Variants in EREG observed in about 807,000 individuals in gnomAD.
The protein encoded by EREG is epiregulin.
In EREG, 23 loss-of-function variants were observed where a neutral mutation model predicts 22.4. The observed-to-expected ratio is 1.03, with a 90% confidence interval of 0.74 to 1.46. The LOEUF (loss-of-function observed/expected upper bound fraction) is 1.46. Among genes scored for constraint, EREG ranks in the 40% most tolerant of loss-of-function variants. The pLI, the probability that EREG is intolerant of heterozygous loss-of-function variation, is 0.00. For synonymous variants in EREG, 100 were observed against 75.4 expected (o/e 1.33, Z -1.69); for missense variants, 226 against 205.9 (o/e 1.10, Z -0.60).
At position 74,374,189 on chromosome 4, in the gene EREG, A is replaced by T. The variant is rs182278782; in HGVS notation, c.68-5259A>T. On this transcript the variant is annotated intron_variant, in intron 1 of 4. Coordinates refer to ENST00000244869, the MANE Select transcript of EREG (RefSeq NM_001432.3). ...AGGTTAAACTGGGAAAATGAGATGC[A>T]TTTCTTTTATTCTGTAATCTATCTG... 8.1e-4 allele frequency among the ~76,000 whole-genome samples: 124 copies of T among 152,256 alleles called. 1 individual carries two copies. Among genetic ancestry groups the T allele is most frequent in the Non-Finnish European group, 1.2e-4 (8 of 68,010 alleles).
At position 74,388,140 on chromosome 4, in the gene EREG, A is replaced by G. The variant is rs971398939; in HGVS notation, c.*3332A>G. 4 of 152,192 alleles carry G rather than the reference A, an allele frequency of 2.6e-5. No homozygotes were observed. The highest frequency in any genetic ancestry group is 9.6e-5 in the African/African-American group (4 of 41,458). The allele number at this position is 152,192 out of a possible 1,614,324, so 9.4% of individuals were successfully genotyped here. A position where few individuals can be genotyped will look rare whatever the true frequency, so the allele number is the denominator to read the frequency against. ...TTTTATGCAGCAAATATATGATTCTAGTGTCTGACTTTTGTTAAATTCAGT... is the reference window on the plus strand; with the variant it reads ...TTTTATGCAGCAAATATATGATTCTGGTGTCTGACTTTTGTTAAATTCAGT... On this transcript the variant is annotated 3_prime_UTR_variant, in exon 5 of 5. Coordinates refer to ENST00000244869, the MANE Select transcript of EREG (RefSeq NM_001432.3).
intron 2 of EREG, among the ~76,000 whole-genome samples, chr4:74,380,178 A>G (rs1381184086): frequency 6.6e-6 from 1 of 151,880 alleles, no homozygotes; most frequent in East Asian, 1.9e-4. Context: ...GATATTTTCC[A>G]TAACAACTTT....
chr4:74,370,373 C>G (rs1045712212), intron 1 of EREG, among the ~76,000 whole-genome samples: 1 of 152,090 alleles, frequency 6.6e-6, no homozygotes. Context: ...CACATTGATA[C>G]TTTATTTGGA....
chr4:74,379,606 A>C, intron 2 of EREG, 72 bp downstream of exon 2: 1 of 892,330 alleles, frequency 1.1e-6, no homozygotes, highest in Middle Eastern at 2.2e-4. Flanking sequence ...CTCAAAGACT[A>C]TAAGTATGTG....
rs572908055 is a variant in EREG, at chr4:74,375,668, A to G, written c.68-3780A>G. Among the ~76,000 whole-genome samples the G allele has an allele frequency of 9.9e-5, 15 of 152,104 alleles. No individual in the cohort carries two copies. The South Asian group carries it at 2.5e-3, about 25-fold the overall frequency. Reference sequence around the variant, plus strand: ...TAAGGTTAACAGGATAGTGGATGTAATATTTCTCTGGAGATAGATTTTTTA... The same window carrying G: ...TAAGGTTAACAGGATAGTGGATGTAGTATTTCTCTGGAGATAGATTTTTTA... On this transcript the variant is annotated intron_variant, in intron 1 of 4. Coordinates refer to ENST00000244869, the MANE Select transcript of EREG (RefSeq NM_001432.3).
chr4:74,378,598 A>G (rs1752421993), intron 1 of EREG, among the ~76,000 whole-genome samples: 1 of 152,176 alleles, frequency 6.6e-6, no homozygotes, highest in African/African-American at 2.4e-5. Flanking sequence ...AGTATTTACT[A>G]TATAACAGTT....
chr4:74,379,626 T>TA, intron 2 of EREG, 92 bp downstream of exon 2: 1 of 740,944 alleles, frequency 1.3e-6, no homozygotes, highest in Admixed American at 2.2e-5. Context: ...GATAATTTTT[T>TA]AAAAAAGGGT....
intron 1 of EREG, among the ~76,000 whole-genome samples, chr4:74,370,306 C>G (rs901932009): frequency 5.3e-5 from 8 of 152,148 alleles, no homozygotes; most frequent in African/African-American, 1.7e-4. Context: ...CATCTTTTAT[C>G]ATTTCTATTG....
Position 74,383,647 on chromosome 4 carries a change from G to A in EREG, c.428+853G>A, listed in dbSNP as rs1266282370. Among the ~76,000 whole-genome samples, 3 of 152,166 alleles carry A rather than the reference G, an allele frequency of 2.0e-5. No homozygotes were observed. In the East Asian group the frequency reaches 5.8e-4, roughly 29 times the overall value. On this transcript the variant is annotated intron_variant, in intron 4 of 4. Coordinates refer to ENST00000244869, the MANE Select transcript of EREG (RefSeq NM_001432.3). The stretch of plus-strand genomic sequence containing the variant: ...TCTCCATGAAACATATTTTGAAACA[G>A]TTACAAATTACTCAAGGTGAATTTA...
intron 1 of EREG, among the ~76,000 whole-genome samples, chr4:74,377,800 A>G (rs941759746): frequency 1.3e-5 from 2 of 151,130 alleles, no homozygotes; most frequent in Non-Finnish European, 3.0e-5. Flanking sequence ...ATCAGATCTC[A>G]TGAGAACTCA....
chr4:74,365,617 G>A (rs943419615), intron 1 of EREG, among the ~76,000 whole-genome samples: 1 of 151,718 alleles, frequency 6.6e-6, no homozygotes. Flanking sequence ...TGTTATGCAT[G>A]GATTGAAATA....
intron 3 of EREG, among the ~76,000 whole-genome samples, chr4:74,382,229 G>A (rs941278333): frequency 3.3e-5 from 5 of 152,046 alleles, no homozygotes; most frequent in African/African-American, 1.2e-4. Flanking sequence ...GAACCTGGGA[G>A]GCGGAGGTTG....
chr4:74,383,597 A>C (rs1752517626), intron 4 of EREG, among the ~76,000 whole-genome samples: 1 of 152,180 alleles, frequency 6.6e-6, no homozygotes, highest in Non-Finnish European at 1.5e-5. Context: ...GTGTGAATTA[A>C]TTAATAACAG....
At chr4:74,370,294 G>C (rs1429071824) in intron 1 of EREG, among the ~76,000 whole-genome samples, 1 of 152,064 alleles carries the variant, frequency 6.6e-6, no homozygotes, top group African/African-American at 2.4e-5. Flanking sequence ...TGGTGCTATA[G>C]TCATCTTTTA....
rs1752574083 is a variant in EREG at position 74,386,683 on chromosome 4, T to C, written c.*1875T>C. On this transcript the variant is annotated 3_prime_UTR_variant, in exon 5 of 5. Coordinates refer to ENST00000244869, the MANE Select transcript of EREG (RefSeq NM_001432.3). ...CACATTTTAAATACTCTACTTACAG[T>C]TGGCCCTCTGTGGTTAGTTCCACAT... is the stretch of plus-strand genomic sequence containing the variant. 6.6e-6 allele frequency: 1 copy of C among 152,224 alleles called. No individual in the cohort carries two copies. The highest frequency in any genetic ancestry group is 6.5e-5 in the Admixed American group (1 of 15,286). The allele number at this position is 152,224 out of a possible 1,614,324, so 9.4% of individuals were successfully genotyped here. A position where few individuals can be genotyped will look rare whatever the true frequency, so the allele number is the denominator to read the frequency against.
intron 1 of EREG, among the ~76,000 whole-genome samples, chr4:74,371,846 C>T (rs868683897): frequency 6.6e-6 from 1 of 151,210 alleles, no homozygotes; most frequent in Admixed American, 6.6e-5. Flanking sequence ...TTTTTAATGG[C>T]AGCATTCTCT....
At chr4:74,372,801 CTTTTTTTTTT>C (rs60657787) in intron 1 of EREG, among the ~76,000 whole-genome samples, 106 of 71,908 alleles carry the variant, frequency 1.5e-3, no homozygotes, top group Non-Finnish European at 1.9e-3. Flanking sequence ...TTAAATTGTA[CTTTTTTTTTT>C]TTTTTTTTTT....
intron 1 of EREG, among the ~76,000 whole-genome samples, chr4:74,374,890 C>A (rs1752352386): frequency 6.6e-6 from 1 of 152,142 alleles, no homozygotes; most frequent in Non-Finnish European, 1.5e-5. Context: ...ATTCCTAAAA[C>A]CCATTTGGAA....
At chr4:74,380,170 T>C (rs1333388516) in intron 2 of EREG, among the ~76,000 whole-genome samples, 1 of 152,150 alleles carries the variant, frequency 6.6e-6, no homozygotes, top group Non-Finnish European at 1.5e-5. Flanking sequence ...GGAAGCAGGA[T>C]ATTTTCCATA....
Sources: allele counts gnomAD v4.1 joint callset (sites outside exome capture counted in the v4.1 genomes callset), GRCh38; gene constraint gnomAD v4.1.1; transcripts MANE v1.5; gene names NCBI Gene and HGNC (gene_info 2026-07-23, HGNC 2026-07-21).